The following PID1 variants were observed in gnomAD, a reference collection of about 807,000 sequenced individuals.
The protein encoded by PID1 is phosphotyrosine interaction domain containing 1.
PID1 carries 10 observed loss-of-function variants against 19.1 expected under a neutral mutation model. The ratio of observed to expected loss-of-function variants is 0.52; its 90% CI spans 0.32 to 0.89. The LOEUF is 0.89. Ranked by LOEUF, PID1 falls within the 40% of genes least tolerant of loss-of-function variation. PID1 has a pLI of 0.03. For missense variants in PID1, 248 were observed against 285.3 expected, an observed-to-expected ratio of 0.87 and a Z score of 0.94; for synonymous variants, 130 against 116.0, an observed-to-expected ratio of 1.12 and a Z score of -0.78.
intron 1 of PID1, among the ~76,000 whole-genome samples, chr2:229,203,132 G>A (rs765891913): frequency 8.6e-5 from 13 of 152,008 alleles, no homozygotes; most frequent in Non-Finnish European, 1.5e-4. Context: ...TTTACAAAAC[G>A]CCTGGTGATT....
At chr2:229,119,506 T>A (rs964489094) in intron 2 of PID1, among the ~76,000 whole-genome samples, 2 of 152,184 alleles carry the variant, frequency 1.3e-5, no homozygotes, top group Non-Finnish European at 2.9e-5. Flanking sequence ...TTTAAAGCCA[T>A]CAGTAATGGA....
At chr2:229,157,837 C>T (rs1242506066) in intron 1 of PID1, among the ~76,000 whole-genome samples, 1 of 152,154 alleles carries the variant, frequency 6.6e-6, no homozygotes, top group Non-Finnish European at 1.5e-5. Flanking sequence ...CAACCACCTA[C>T]GTACTGAAAT....
intron 1 of PID1, among the ~76,000 whole-genome samples, chr2:229,174,682 C>T (rs1429291194): frequency 5.4e-5 from 8 of 148,484 alleles, no homozygotes; most frequent in Non-Finnish European, 1.0e-4. Context: ...TGCCCCTCCC[C>T]AACCCCAGAA....
At chr2:229,175,064 G>A (rs1461979405) in intron 1 of PID1, among the ~76,000 whole-genome samples, 1 of 152,206 alleles carries the variant, frequency 6.6e-6, no homozygotes, top group Non-Finnish European at 1.5e-5. Flanking sequence ...ATGGGAATAA[G>A]CCATCTTGAA....
chr2:229,222,321 G>T (rs894175110), intron 1 of PID1, among the ~76,000 whole-genome samples: 5 of 152,060 alleles, frequency 3.3e-5, no homozygotes, highest in Admixed American at 2.0e-4. Context: ...GGTCACTATT[G>T]TTATTTTTAT....
At chr2:229,163,686 T>TGCGCGCGCATGTGC (rs139467763) in intron 1 of PID1, among the ~76,000 whole-genome samples, 9 of 124,902 alleles carry the variant, frequency 7.2e-5, no homozygotes, top group Non-Finnish European at 9.6e-5. Flanking sequence ...CGTGTGCGTG[T>TGCGCGCGCATGTGC]GTGTGTGTGT....
chr2:229,193,749 T>C (rs1679356388), intron 1 of PID1, among the ~76,000 whole-genome samples: 1 of 151,448 alleles, frequency 6.6e-6, no homozygotes, highest in Non-Finnish European at 1.5e-5. Context: ...CTTAATAGTA[T>C]GTACTTAATA....
chr2:229,108,796 T>C (rs928383419), intron 2 of PID1, among the ~76,000 whole-genome samples: 1 of 152,124 alleles, frequency 6.6e-6, no homozygotes, highest in Non-Finnish European at 1.5e-5. Context: ...GTCTGAGTGA[T>C]GGGCAGCTCA....
intron 2 of PID1, among the ~76,000 whole-genome samples, chr2:229,074,187 C>T (rs2106204861): frequency 6.6e-6 from 1 of 152,198 alleles, no homozygotes; most frequent in Non-Finnish European, 1.5e-5. Context: ...CAACAAATGC[C>T]ACAATCTGTT....
intron 2 of PID1, among the ~76,000 whole-genome samples, chr2:229,075,725 A>G (rs1376231350): frequency 6.6e-6 from 1 of 152,220 alleles, no homozygotes; most frequent in Non-Finnish European, 1.5e-5. Flanking sequence ...TTCGTTGTCA[A>G]TTAAGCTGGG....
At chr2:229,250,394 C>T (rs1690118292) in intron 1 of PID1, among the ~76,000 whole-genome samples, 1 of 152,164 alleles carries the variant, frequency 6.6e-6, no homozygotes. Flanking sequence ...CCATCTGATA[C>T]CATATCAGAC....
At chr2:229,040,101 T>C (rs575913291) in intron 2 of PID1, among the ~76,000 whole-genome samples, 4 of 149,056 alleles carry the variant, frequency 2.7e-5, no homozygotes, top group Non-Finnish European at 4.4e-5. Flanking sequence ...AAGTGACTTA[T>C]TGGGTATATT....
At chr2:229,104,719 T>C (rs920009055) in intron 2 of PID1, among the ~76,000 whole-genome samples, 21 of 152,222 alleles carry the variant, frequency 1.4e-4, no homozygotes, top group Admixed American at 2.6e-4. Context: ...GAAGTGACTC[T>C]ATCGCTTCTG....
intron 1 of PID1, among the ~76,000 whole-genome samples, chr2:229,210,967 GCAGA>G (rs1333562717): frequency 6.6e-6 from 1 of 152,158 alleles, no homozygotes; most frequent in East Asian, 1.9e-4. Flanking sequence ...TTCTGTGGCT[GCAGA>G]CAGTCAGTGC....
At chr2:229,129,837 T>C (rs1366257599) in intron 2 of PID1, among the ~76,000 whole-genome samples, 1 of 152,182 alleles carries the variant, frequency 6.6e-6, no homozygotes, top group Non-Finnish European at 1.5e-5. Context: ...CTCCGGAGAC[T>C]AGCACCCACG....
At chr2:229,205,185 C>A (rs1691582550) in intron 1 of PID1, among the ~76,000 whole-genome samples, 3 of 151,892 alleles carry the variant, frequency 2.0e-5, no homozygotes, top group Admixed American at 2.0e-4. Flanking sequence ...ATTTATACAG[C>A]CAACCTACAC....
chr2:229,229,066 T>C (rs1692145790), intron 1 of PID1, among the ~76,000 whole-genome samples: 1 of 152,182 alleles, frequency 6.6e-6, no homozygotes, highest in Non-Finnish European at 1.5e-5. Flanking sequence ...TCCAACCCAG[T>C]CCCAATGTCA....
intron 1 of PID1, among the ~76,000 whole-genome samples, chr2:229,227,757 T>A (rs1692110925): frequency 6.6e-6 from 1 of 152,130 alleles, no homozygotes; most frequent in Admixed American, 6.5e-5. Context: ...CAACCAGAGA[T>A]CAAAAGTACT....
chr2:229,215,924 A>G (rs1479929266), intron 1 of PID1, among the ~76,000 whole-genome samples: 4 of 152,224 alleles, frequency 2.6e-5, no homozygotes, highest in Non-Finnish European at 5.9e-5. Flanking sequence ...CTTTAAAAAT[A>G]TAATCAAAAT....
Sources: gnomAD v4.1 joint callset for allele counts (sites outside exome capture counted in the v4.1 genomes callset) on GRCh38, gnomAD v4.1.1 for gene constraint, MANE v1.5 for transcripts, NCBI Gene and HGNC (gene_info 2026-07-23, HGNC 2026-07-21) for gene names.